The following ALK variants were observed in gnomAD, a reference collection of about 807,000 sequenced individuals.
The protein encoded by ALK is ALK tyrosine kinase receptor.
ALK carries 74 observed loss-of-function variants against 163.1 expected under a neutral mutation model. The observed-to-expected ratio is 0.45, with a 90% CI of 0.38 to 0.55. The LOEUF is 0.55. Among genes scored for constraint, ALK ranks in the 20% least tolerant of loss-of-function variants. The pLI is 0.00. For missense variants in ALK, 2,063 were observed against 2,105.3 expected (o/e 0.98, Z 0.39); for synonymous variants, 960 against 843.2 (o/e 1.14, Z -2.40).
At chr2:29,534,599 G>A (rs1234440764) in intron 3 of ALK, among the ~76,000 whole-genome samples, 1 of 152,216 alleles carries the variant, frequency 6.6e-6, no homozygotes, top group Non-Finnish European at 1.5e-5. Context: ...GTAGAAACCA[G>A]GAGTTTTCTG....
At chr2:29,250,863 C>A (rs1664796760) in intron 12 of ALK, among the ~76,000 whole-genome samples, 1 of 152,244 alleles carries the variant, frequency 6.6e-6, no homozygotes, top group Non-Finnish European at 1.5e-5. Flanking sequence ...CTCATGCATG[C>A]ATATCACCTC....
chr2:29,240,044 C>T (rs560096799), intron 12 of ALK, among the ~76,000 whole-genome samples: 1 of 149,566 alleles, frequency 6.7e-6, no homozygotes, highest in East Asian at 2.0e-4. Context: ...AGTCACAGAA[C>T]TAAGAAGGTG....
intron 3 of ALK, among the ~76,000 whole-genome samples, chr2:29,694,344 C>T (rs1187807518): frequency 6.6e-6 from 1 of 152,188 alleles, no homozygotes; most frequent in Admixed American, 6.5e-5. Flanking sequence ...GCCAGTTCTA[C>T]AATACCTTCC....
At chr2:29,318,801 G>A (rs1666915629) in intron 7 of ALK, among the ~76,000 whole-genome samples, 1 of 152,070 alleles carries the variant, frequency 6.6e-6, no homozygotes, top group Admixed American at 6.5e-5. Context: ...CTCCTGACCT[G>A]GTGATCTGCC....
chr2:29,197,008 T>C, intron 27 of ALK, 148 bp from the exon 28 acceptor site: 1 of 684,200 alleles, frequency 1.5e-6, no homozygotes, highest in South Asian at 1.6e-5. Flanking sequence ...CCCTGCTGAT[T>C]GGTCAAGGAA....
chr2:29,200,818 C>T lies in ALK; in HGVS notation c.3939-3142G>A, dbSNP rs12475981. ...GTATACATATATATGTGTGTATATACATATATACGTATATATATGTGTGTG... is the reference window on the plus strand; with the variant it reads ...GTATACATATATATGTGTGTATATATATATATACGTATATATATGTGTGTG... On this transcript the variant is annotated intron_variant, in intron 26 of 28. Transcript: ENST00000389048. Among the ~76,000 whole-genome samples, 30 of 40,356 alleles carry T rather than the reference C, an allele frequency of 7.4e-4. No homozygotes were observed. The East Asian group carries it at 0.016, about 21-fold the overall frequency. The allele number at this position is 40,356 out of a possible 152,430, so 26.5% of individuals were successfully genotyped here.
In ALK at chr2:29,877,958, T is replaced by C. The variant is rs79672179; in HGVS notation, c.667+42035A>G. ...CCTTCCCAGACCCAGAAGAGAGACA[T>C]GACTACCAGATTATAGGGTAGTGGG... On this transcript the variant is annotated intron_variant, in intron 1 of 28. Transcript: ENST00000389048. 8.1e-4 allele frequency among the ~76,000 whole-genome samples: 124 copies of C among 152,292 alleles called. No individual in the cohort carries two copies. In the East Asian group the frequency reaches 0.024, roughly 29 times the overall value.
intron 6 of ALK, among the ~76,000 whole-genome samples, chr2:29,321,274 C>T (rs1407253823): frequency 6.6e-6 from 1 of 152,228 alleles, no homozygotes; most frequent in East Asian, 1.9e-4. Context: ...ACTCTTTATA[C>T]TCAGCCACCA....
At chr2:29,199,912 G>A (rs1169821576) in intron 26 of ALK, among the ~76,000 whole-genome samples, 1 of 152,140 alleles carries the variant, frequency 6.6e-6, no homozygotes, top group Non-Finnish European at 1.5e-5. Context: ...CATCTTCTAA[G>A]AAACATGGGG....
chr2:29,614,978 T>A (rs1442640636), intron 3 of ALK, among the ~76,000 whole-genome samples: 2 of 152,146 alleles, frequency 1.3e-5, no homozygotes, highest in Non-Finnish European at 2.9e-5. Context: ...ATAATTTTTT[T>A]AAGTTTTATT....
chr2:29,212,365 C>T (rs868537761), intron 24 of ALK, among the ~76,000 whole-genome samples: 4 of 151,878 alleles, frequency 2.6e-5, no homozygotes, highest in East Asian at 3.9e-4. Flanking sequence ...GACTGGGGAG[C>T]GGGGAAAGGG....
chr2:29,785,236 A>G (rs1284098578), intron 1 of ALK, among the ~76,000 whole-genome samples: 1 of 151,990 alleles, frequency 6.6e-6, no homozygotes, highest in Non-Finnish European at 1.5e-5. Context: ...CAAGCAGAGG[A>G]CAGTTCTGTC....
intron 6 of ALK, among the ~76,000 whole-genome samples, chr2:29,326,876 G>A (rs1205684307): frequency 6.6e-6 from 1 of 152,158 alleles, no homozygotes; most frequent in Non-Finnish European, 1.5e-5. Flanking sequence ...GGCCACTGGG[G>A]TCTGCATATC....
At chr2:29,867,923 C>G (rs1319494930) in intron 1 of ALK, among the ~76,000 whole-genome samples, 1 of 152,166 alleles carries the variant, frequency 6.6e-6, no homozygotes, top group Non-Finnish European at 1.5e-5. Flanking sequence ...GAGTGGGCAG[C>G]TGCTCAGACA....
chr2:29,694,849 C>T lies in ALK; in HGVS notation c.952+1G>A, dbSNP rs1678504706. On this transcript the variant is annotated splice_donor_variant, in intron 3 of 28. Transcript: ENST00000389048. LOFTEE classifies it high-confidence loss of function. ...GACATCACCAGCAGCCTCTCCCTTACCTCTGGGCATCTCCTTAGAACGCTC... is the reference window on the plus strand; with the variant it reads ...GACATCACCAGCAGCCTCTCCCTTATCTCTGGGCATCTCCTTAGAACGCTC... 1 of 1,613,772 alleles carries T rather than the reference C, an allele frequency of 6.2e-7. No individual in the cohort carries two copies. Among genetic ancestry groups the T allele is most frequent in the Non-Finnish European group, 8.5e-7 (1 of 1,179,992 alleles).
At chr2:29,907,765 C>T (rs1363515805) in intron 1 of ALK, among the ~76,000 whole-genome samples, 1 of 152,130 alleles carries the variant, frequency 6.6e-6, no homozygotes, top group Non-Finnish European at 1.5e-5. Flanking sequence ...CAGCCTTGAC[C>T]TCTTCCCCAT....
intron 1 of ALK, among the ~76,000 whole-genome samples, chr2:29,822,240 T>G (rs114129010): frequency 2.0e-3 from 299 of 152,314 alleles, no homozygotes; most frequent in African/African-American, 6.8e-3. Context: ...CGAGGAGATC[T>G]GAAATCAAAA....
At chr2:29,854,382 G>T (rs1200726100) in intron 1 of ALK, among the ~76,000 whole-genome samples, 1 of 152,042 alleles carries the variant, frequency 6.6e-6, no homozygotes, top group African/African-American at 2.4e-5. Context: ...CACAAGAGCT[G>T]GTTGTTTAAA....
At chr2:29,669,049 G>A (rs911171639) in intron 3 of ALK, among the ~76,000 whole-genome samples, 1 of 151,898 alleles carries the variant, frequency 6.6e-6, no homozygotes, top group East Asian at 1.9e-4. Context: ...GATTTTGGTG[G>A]GGACACAGCC....
Sources: allele counts gnomAD v4.1 joint callset (sites outside exome capture counted in the v4.1 genomes callset), GRCh38; gene constraint gnomAD v4.1.1; transcripts MANE v1.5; gene names NCBI Gene and HGNC (gene_info 2026-07-23, HGNC 2026-07-21).